CCDC171: variants seen among roughly 807,000 people sequenced by gnomAD.
CCDC171 encodes coiled-coil domain-containing protein 171.
In CCDC171, 177 loss-of-function variants were observed where a neutral mutation model predicts 168.2. The ratio of observed to expected loss-of-function variants is 1.05; its 90% confidence interval spans 0.93 to 1.19. CCDC171 has a LOEUF of 1.19. Among genes scored for constraint, CCDC171 ranks in the 50% most tolerant of loss-of-function variants. The pLI is 0.00. For missense variants in CCDC171, 1,991 were observed against 1,539.0 expected (o/e 1.29, Z -4.91); for synonymous variants, 687 against 540.8 (o/e 1.27, Z -3.75).
intron 8 of CCDC171, among the ~76,000 whole-genome samples, chr9:15,661,212 G>A (rs1054595166): frequency 1.3e-5 from 2 of 151,816 alleles, no homozygotes; most frequent in African/African-American, 4.8e-5. Flanking sequence ...CCAAGGAGGT[G>A]GAGGCTGCAG....
chr9:15,834,775 C>T (rs151054528), intron 21 of CCDC171, among the ~76,000 whole-genome samples: 18 of 152,206 alleles, frequency 1.2e-4, no homozygotes, highest in African/African-American at 4.3e-4. Context: ...TGGTTAGGGA[C>T]GTATATGCAC....
chr9:15,927,591 G>A (rs1184890075), intron 25 of CCDC171, among the ~76,000 whole-genome samples: 2 of 151,620 alleles, frequency 1.3e-5, no homozygotes, highest in South Asian at 2.1e-4. Flanking sequence ...CAATGCAGAG[G>A]ACCATTCCAT....
intron 18 of CCDC171, among the ~76,000 whole-genome samples, chr9:15,762,420 T>G (rs746008186): frequency 1.3e-5 from 2 of 152,180 alleles, no homozygotes; most frequent in African/African-American, 2.4e-5. Context: ...GGAATGACAT[T>G]GAAAAAGTCA....
intron 7 of CCDC171, among the ~76,000 whole-genome samples, chr9:15,653,324 T>G (rs1342273657): frequency 6.6e-6 from 1 of 152,018 alleles, no homozygotes; most frequent in East Asian, 1.9e-4. Flanking sequence ...ATTTTTTTTG[T>G]AGAATTGGTG....
At chr9:15,865,813 C>T (rs1252971825) in intron 23 of CCDC171, among the ~76,000 whole-genome samples, 1 of 149,902 alleles carries the variant, frequency 6.7e-6, no homozygotes, top group Non-Finnish European at 1.5e-5. Flanking sequence ...GTTGGCATCC[C>T]TAACCCACAT....
chr9:15,860,421 T>C (rs1284594572), intron 23 of CCDC171, among the ~76,000 whole-genome samples: 2 of 151,938 alleles, frequency 1.3e-5, no homozygotes, highest in African/African-American at 4.8e-5. Flanking sequence ...CCCTTACTAC[T>C]GCTTTCACTG....
Position 15,675,187 on chromosome 9 carries a change from G to GTTTT in CCDC171, c.1077-3553_1077-3550dup, listed in dbSNP as rs138989790. ...ATCAGAGACTAGGATTGCAACTCCT[G>GTTTT]TTTTTTTTTTTTTTTTTTTTTGCTT... On this transcript the variant is annotated intron_variant, in intron 9 of 25. Transcript: ENST00000380701. Among the ~76,000 whole-genome samples the GTTTT allele has an allele frequency of 5.4e-4, 41 of 75,516 alleles. 2 individuals carry two copies. Among genetic ancestry groups the GTTTT allele is most frequent in the African/African-American group, 1.4e-3 (25 of 17,758 alleles). The allele number at this position is 75,516 out of a possible 152,430, so 49.5% of individuals were successfully genotyped here.
intron 24 of CCDC171, among the ~76,000 whole-genome samples, chr9:15,910,318 T>C (rs1417624824): frequency 6.6e-6 from 1 of 152,184 alleles, no homozygotes; most frequent in African/African-American, 2.4e-5. Context: ...GTTATAACAA[T>C]AGGGTATAAT....
At chr9:15,746,087 G>C (rs969189850) in intron 18 of CCDC171, among the ~76,000 whole-genome samples, 2 of 152,058 alleles carry the variant, frequency 1.3e-5, no homozygotes, top group African/African-American at 4.8e-5. Flanking sequence ...AATTTGGATA[G>C]TCTGCTCCTT....
chr9:15,628,414 T>G (rs2045358280), intron 7 of CCDC171, among the ~76,000 whole-genome samples: 2 of 151,764 alleles, frequency 1.3e-5, no homozygotes, highest in African/African-American at 4.8e-5. Context: ...GCCCATGGAG[T>G]CTCGCTTATT....
chr9:15,857,734 C>G (rs1398238128), intron 23 of CCDC171, among the ~76,000 whole-genome samples: 3 of 151,522 alleles, frequency 2.0e-5, no homozygotes, highest in Admixed American at 2.0e-4. Context: ...CAGTTTCATT[C>G]TTTAGCAAGT....
intron 18 of CCDC171, among the ~76,000 whole-genome samples, chr9:15,770,214 A>C (rs2056941147): frequency 6.6e-6 from 1 of 152,200 alleles, no homozygotes; most frequent in African/African-American, 2.4e-5. Flanking sequence ...CATGACATGT[A>C]TGATGCCTTG....
At chr9:15,559,399 T>C (rs574894362) in intron 1 of CCDC171, among the ~76,000 whole-genome samples, 32 of 152,312 alleles carry the variant, frequency 2.1e-4, no homozygotes, top group African/African-American at 7.5e-4. Flanking sequence ...AGACTTGCTT[T>C]ATGAATCTGG....
At chr9:15,613,403 A>T (rs1423064112) in intron 6 of CCDC171, among the ~76,000 whole-genome samples, 2 of 152,232 alleles carry the variant, frequency 1.3e-5, no homozygotes, top group African/African-American at 2.4e-5. Flanking sequence ...AAAAATCACT[A>T]AACTTCTAAA....
chr9:15,891,468 C>A (rs1820211619), intron 24 of CCDC171, among the ~76,000 whole-genome samples: 4 of 152,100 alleles, frequency 2.6e-5, no homozygotes, highest in Admixed American at 1.3e-4. Flanking sequence ...CTGATCAAAG[C>A]AGTTGGATCT....
chr9:15,892,335 G>T (rs1053729555), intron 24 of CCDC171, among the ~76,000 whole-genome samples: 1 of 152,012 alleles, frequency 6.6e-6, no homozygotes. Flanking sequence ...ATTGGCTGTG[G>T]GTTTGTTACA....
chr9:15,980,304 T>A (rs904827512), intron 3 of CCDC171, among the ~76,000 whole-genome samples: 1 of 152,124 alleles, frequency 6.6e-6, no homozygotes, highest in African/African-American at 2.4e-5. Context: ...CTTTGGAAAT[T>A]ACATGTTATT....
intron 10 of CCDC171, among the ~76,000 whole-genome samples, chr9:15,684,985 A>G (rs1429780578): frequency 1.3e-5 from 2 of 152,228 alleles, no homozygotes; most frequent in African/African-American, 2.4e-5. Context: ...CTTAGCCAAC[A>G]TAGCATTAAG....
intron 18 of CCDC171, among the ~76,000 whole-genome samples, chr9:15,752,509 A>G (rs1177157184): frequency 2.0e-5 from 3 of 152,224 alleles, no homozygotes; most frequent in Non-Finnish European, 4.4e-5. Flanking sequence ...TCCATCAATA[A>G]TAGACTGGAT....
Sources: allele counts gnomAD v4.1 joint callset (sites outside exome capture counted in the v4.1 genomes callset), GRCh38; gene constraint gnomAD v4.1.1; transcripts MANE v1.5; gene names NCBI Gene and HGNC (gene_info 2026-07-23, HGNC 2026-07-21).